Variants in EARS2 observed in about 807,000 individuals in gnomAD.
EARS2 encodes the protein glutamyl-tRNA synthetase 2, mitochondrial.
A neutral mutation model predicts 54.1 loss-of-function variants in EARS2; 50 were observed. That is an observed-to-expected ratio of 0.92 (90% confidence interval 0.74 to 1.17). The LOEUF (loss-of-function observed/expected upper bound fraction) is 1.17. Among genes scored for constraint, EARS2 ranks in the 50% most tolerant of loss-of-function variants. EARS2 has a pLI of 0.00. For synonymous variants in EARS2, 298 were observed against 281.0 expected (o/e 1.06, Z -0.61); for missense variants, 673 against 675.0 (o/e 1.00, Z 0.03).
intron 3 of EARS2, chr16:23,537,648 C>T (rs1382235689): frequency 6.6e-6 from 1 of 152,252 alleles, no homozygotes; most frequent in African/African-American, 2.4e-5. Flanking sequence ...TCATGGCTCA[C>T]TGCAGTCTTG....
At position 23,535,189 on chromosome 16, in the gene EARS2, G is replaced by C. The variant is rs758679342; in HGVS notation, c.657C>G (p.Ile219Met). ...EVASVEGDPV[I>M]MKSDGFPTYH... is the part of the protein sequence containing the mutation. ...ATGTGGGGAAGCCGTCGCTCTTCAT[G>C]ATGACTGGGTCTCCCTCCACGCTGG... Residue 219 changes from isoleucine (I) to methionine (M), a missense_variant, in exon 4 of 9, where the codon ATC (isoleucine) becomes ATG (methionine). Coordinates refer to ENST00000449606, the MANE Select transcript of EARS2 (RefSeq NM_001083614.2). 1 of 1,613,816 alleles carries C rather than the reference G, an allele frequency of 6.2e-7. No homozygotes were observed. Among genetic ancestry groups the C allele is most frequent in the Non-Finnish European group, 8.5e-7 (1 of 1,180,020 alleles).
chr16:23,533,644 G>A (rs117470567), intron 4 of EARS2, among the ~76,000 whole-genome samples: 1 of 152,212 alleles, frequency 6.6e-6, no homozygotes, highest in Non-Finnish European at 1.5e-5. Flanking sequence ...CTCAAGACAC[G>A]AGCTGCAGAA....
rs1054632556 is a variant in EARS2 at position 23,522,831 on chromosome 16, G to A, written c.*1540C>T. On this transcript the variant is annotated 3_prime_UTR_variant, in exon 9 of 9. Transcript: ENST00000449606. ...AGGGTCTCCCATAGAGGTCACAAGC[G>A]AGATCAGCTAGGATTGCGGTCATGT... The A allele has an allele frequency of 6.6e-6, 1 of 152,168 alleles. No homozygotes were observed. Among genetic ancestry groups the A allele is most frequent in the Non-Finnish European group, 1.5e-5 (1 of 68,030 alleles). The allele number at this position is 152,168 out of a possible 1,614,324, so 9.4% of individuals were successfully genotyped here. A position where few individuals can be genotyped will look rare whatever the true frequency, so the allele number is the denominator to read the frequency against.
intron 4 of EARS2, among the ~76,000 whole-genome samples, chr16:23,533,948 CG>C: frequency 6.6e-6 from 1 of 151,504 alleles, no homozygotes; most frequent in East Asian, 2.0e-4. Flanking sequence ...CCCAGGTACT[CG>C]GGAGGCTGAG....
rs775583015 is a variant in EARS2, at chr16:23,544,598, G to C, written c.401C>G (p.Thr134Ser). Residue 134 changes from threonine to serine, a missense_variant, in exon 3 of 9, where the codon ACC becomes AGC. Thr to Ser is a moderately conservative substitution (Grantham distance 58, BLOSUM62 1). Coordinates refer to ENST00000449606, the MANE Select transcript of EARS2 (RefSeq NM_001083614.2). Reference protein sequence around the residue: ...YAQATEALLKTGAAYPCFCSP... With the variant: ...YAQATEALLKSGAAYPCFCSP... ...GCAGAAACAGGGGTAAGCAGCTCCG[G>C]TCTTCAGCAGCGCTTCTGTGGCCTG... 8.7e-6 allele frequency: 14 copies of C among 1,613,806 alleles called. No individual in the cohort carries two copies. In the South Asian group the frequency reaches 1.2e-4, roughly 14 times the overall value.
intron 7 of EARS2, among the ~76,000 whole-genome samples, chr16:23,525,616 A>C (rs1238713981): frequency 6.6e-6 from 1 of 152,192 alleles, no homozygotes; most frequent in Non-Finnish European, 1.5e-5. Flanking sequence ...GGGAGGTAAG[A>C]GGTGCCATAA....
rs113593303 is a variant in EARS2 at position 23,532,709 on chromosome 16, C to T, written c.1015G>A (p.Val339Ile). Residue 339 changes from valine (V) to isoleucine (I), a missense_variant, in exon 5 of 9, where the codon GTC becomes ATC. Physicochemically the swap from Val to Ile is conservative, Grantham distance 29. Coordinates refer to ENST00000449606, the MANE Select transcript of EARS2 (RefSeq NM_001083614.2). ...TCCAGCAGGGCTGAGTGACAGGTGA[C>T]CTGTGTCAGGTTGAACTGTGTGATC... ...ELITQFNLTQ[V>I]TCHSALLDLE... 5.6e-6 allele frequency: 9 copies of T among 1,613,998 alleles called. No homozygotes were observed. The highest frequency in any genetic ancestry group is 1.6e-4 in the Middle Eastern group (1 of 6,082).
At chr16:23,553,672 A>G (rs1191813296) in intron 1 of EARS2, among the ~76,000 whole-genome samples, 2 of 152,050 alleles carry the variant, frequency 1.3e-5, no homozygotes, top group East Asian at 3.9e-4. Context: ...CGGGTGGATC[A>G]CAAAGTCAGG....
chr16:23,538,456 G>C (rs528543888), intron 3 of EARS2, among the ~76,000 whole-genome samples: 3 of 152,222 alleles, frequency 2.0e-5, no homozygotes, highest in Admixed American at 2.0e-4. Flanking sequence ...GTATTAATCT[G>C]TCTTTTTACA....
chr16:23,548,124 C>T (rs1050705606), intron 2 of EARS2, among the ~76,000 whole-genome samples: 40 of 151,622 alleles, frequency 2.6e-4, no homozygotes, highest in Admixed American at 2.6e-3. Flanking sequence ...GTTCCAGCTA[C>T]TCGGGAGGCT....
chr16:23,557,204 C>G lies in EARS2; in HGVS notation c.139+1G>C. 4.6e-6 allele frequency: 7 copies of G among 1,511,304 alleles called. No homozygotes were observed. The highest frequency in any genetic ancestry group is 6.1e-6 in the Non-Finnish European group (7 of 1,138,990). 93.6% of individuals were successfully genotyped at this position (1,511,304 alleles called of 1,614,324 possible). A position where few individuals can be genotyped will look rare whatever the true frequency, so the allele number is the denominator to read the frequency against. ...TGTAGCGTCACGTCCGCCAGGGTTACCTGTGGGGCTGGGAGCGAACCGCAC... is the reference window on the plus strand; with the variant it reads ...TGTAGCGTCACGTCCGCCAGGGTTAGCTGTGGGGCTGGGAGCGAACCGCAC... On this transcript the variant is annotated splice_donor_variant, in intron 1 of 8. Transcript: ENST00000449606. LOFTEE classifies it high-confidence loss of function.
intron 2 of EARS2, 155 bp from the exon 3 acceptor site, chr16:23,544,858 A>T (rs976909478): frequency 8.8e-6 from 6 of 682,684 alleles, no homozygotes; most frequent in Admixed American, 3.2e-5. Flanking sequence ...TTTTTTTTTG[A>T]GGCAGAGTCT....
intron 5 of EARS2, among the ~76,000 whole-genome samples, chr16:23,531,575 C>T (rs1002895921): frequency 6.6e-6 from 1 of 152,120 alleles, no homozygotes; most frequent in African/African-American, 2.4e-5. Flanking sequence ...TGGCTAGTTT[C>T]TTAACCTCTC....
chr16:23,524,981 G>A lies in EARS2; in HGVS notation c.1488+263C>T, dbSNP rs116276202. 246 of 591,280 alleles carry A rather than the reference G, an allele frequency of 4.2e-4. No homozygotes were observed. In the African/African-American group the frequency reaches 4.3e-3, roughly 10 times the overall value. 36.6% of individuals were successfully genotyped at this position (591,280 alleles called of 1,614,324 possible). A position where few individuals can be genotyped will look rare whatever the true frequency, so the allele number is the denominator to read the frequency against. ...TATTAAGTAAGCTGTTGCTAGGTCT[G>A]TTATCCCCAATAAACTGCAAACCCC... is the stretch of plus-strand genomic sequence containing the variant. On this transcript the variant is annotated intron_variant, in intron 8 of 8. Coordinates refer to ENST00000449606, the MANE Select transcript of EARS2 (RefSeq NM_001083614.2).
intron 2 of EARS2, chr16:23,550,680 A>C (rs12708650): frequency 6.6e-6 from 1 of 152,050 alleles, no homozygotes; most frequent in African/African-American, 2.4e-5. Context: ...CTCGTGATGC[A>C]CCAGCCTCGG....
intron 1 of EARS2, 46 bp downstream of exon 1, chr16:23,557,159 C>A: frequency 6.7e-7 from 1 of 1,500,786 alleles, no homozygotes; most frequent in South Asian, 1.4e-5. Flanking sequence ...GGGGCGGAGA[C>A]GGGACAGGGG....
chr16:23,539,674 C>T (rs2142178043), intron 3 of EARS2, among the ~76,000 whole-genome samples: 1 of 150,920 alleles, frequency 6.6e-6, no homozygotes, highest in Non-Finnish European at 1.5e-5. Context: ...AAATAAATGG[C>T]TGCAAGGATT....
chr16:23,530,908 T>C (rs62031461), intron 5 of EARS2, among the ~76,000 whole-genome samples: 1 of 149,694 alleles, frequency 6.7e-6, no homozygotes, highest in Non-Finnish European at 1.5e-5. Flanking sequence ...TTTTTTTTTT[T>C]GAGATGGAGT....
rs1965163691 is a variant in EARS2, at chr16:23,522,940, T to C, written c.*1431A>G. On this transcript the variant is annotated 3_prime_UTR_variant, in exon 9 of 9. Transcript: ENST00000449606. ...GGTGGGAGGCCTCGATCCCTTGTCA[T>C]GTGGAGCACTCCATAAGGCTGCTTG... The C allele has an allele frequency of 6.6e-6, 1 of 152,172 alleles. No homozygotes were observed. The highest frequency in any genetic ancestry group is 6.6e-5 in the Admixed American group (1 of 15,260). The allele number at this position is 152,172 out of a possible 1,614,324, so 9.4% of individuals were successfully genotyped here. A position where few individuals can be genotyped will look rare whatever the true frequency, so the allele number is the denominator to read the frequency against.
Sources: gnomAD v4.1 joint callset for allele counts (sites outside exome capture counted in the v4.1 genomes callset) on GRCh38, gnomAD v4.1.1 for gene constraint, MANE v1.5 for transcripts, NCBI Gene and HGNC (gene_info 2026-07-23, HGNC 2026-07-21) for gene names.